LRP1B: variants seen among roughly 807,000 people sequenced by gnomAD.
LRP1B encodes LDL receptor related protein 1B.
Under a neutral mutation model 556.6 loss-of-function variants are expected in LRP1B, and 217 were observed. That is an observed-to-expected ratio of 0.39 (90% confidence interval 0.35 to 0.44). LRP1B has a LOEUF of 0.44. Among genes scored for constraint, LRP1B ranks in the 20% least tolerant of loss-of-function variants. The pLI, the probability that LRP1B is intolerant of heterozygous loss-of-function variation, is 1.00. For missense variants in LRP1B, 5,053 were observed against 5,620.8 expected, an observed-to-expected ratio of 0.90 and a Z score of 3.23; for synonymous variants, 2,047 against 1,865.8, an observed-to-expected ratio of 1.10 and a Z score of -2.50.
intron 2 of LRP1B, among the ~76,000 whole-genome samples, chr2:141,699,648 C>G (rs1007858108): frequency 6.6e-6 from 1 of 151,394 alleles, no homozygotes; most frequent in South Asian, 2.1e-4. Flanking sequence ...GGTGGCATAG[C>G]CTTCCAGCCA....
intron 1 of LRP1B, among the ~76,000 whole-genome samples, chr2:141,841,219 T>A (rs189831396): frequency 2.2e-4 from 34 of 152,258 alleles, no homozygotes; most frequent in African/African-American, 7.5e-4. Context: ...GCTTATTGAG[T>A]GTTACTCTTG....
intron 23 of LRP1B, among the ~76,000 whole-genome samples, chr2:140,890,867 A>T (rs866232811): frequency 1.3e-5 from 2 of 152,090 alleles, no homozygotes; most frequent in Non-Finnish European, 2.9e-5. Flanking sequence ...TTGGAGATAA[A>T]ATAAATGAAG....
intron 1 of LRP1B, among the ~76,000 whole-genome samples, chr2:142,070,049 A>G (rs957332446): frequency 6.6e-6 from 1 of 151,792 alleles, no homozygotes; most frequent in Admixed American, 6.6e-5. Context: ...GCCTTGTACG[A>G]GGCTCATATC....
In LRP1B at chr2:141,201,965, CAA is replaced by C. The variant is rs1682041583; in HGVS notation, c.851-13384_851-13383del. On this transcript the variant is annotated intron_variant, in intron 6 of 90. Coordinates refer to ENST00000389484, the MANE Select transcript of LRP1B (RefSeq NM_018557.3). ...GACAAACATTTTATATTTATTTTTTCAAGTTTTAAGTTCAGTGGTACATATGG... is the reference window on the plus strand; with the variant it reads ...GACAAACATTTTATATTTATTTTTTCGTTTTAAGTTCAGTGGTACATATGG... 2.0e-5 allele frequency among the ~76,000 whole-genome samples: 3 copies of C among 152,222 alleles called. No homozygotes were observed. The East Asian group carries it at 5.8e-4, about 29-fold the overall frequency.
At chr2:140,398,450 A>C (rs1476405016) in intron 66 of LRP1B, among the ~76,000 whole-genome samples, 1 of 152,136 alleles carries the variant, frequency 6.6e-6, no homozygotes, top group Non-Finnish European at 1.5e-5. Context: ...ACAAACACAT[A>C]CACTGTGGAG....
Position 140,297,837 on chromosome 2 carries a change from G to A in LRP1B, c.12938C>T (p.Pro4313Leu), listed in dbSNP as rs759893587. 70 of 1,613,510 alleles carry A rather than the reference G, an allele frequency of 4.3e-5. No individual in the cohort carries two copies. The highest frequency in any genetic ancestry group is 1.7e-4 in the Middle Eastern group (1 of 5,956). The change falls in exon 84 of 91, where the codon CCG (proline) becomes CTG (leucine). Residue 4313 changes from proline to leucine, a missense_variant. Pro to Leu is a moderately conservative substitution (Grantham distance 98). Coordinates refer to ENST00000389484, the MANE Select transcript of LRP1B (RefSeq NM_018557.3). ...AGNQPYCHCQ[P>L]EYTGDRCQYY... is the part of the protein sequence containing the mutation. Reference sequence around the variant, plus strand: ...CTGACATCTGTCTCCGGTGTATTCCGGCTGGCAGTGGCAGTAAGGCTGGTT... The same window carrying A: ...CTGACATCTGTCTCCGGTGTATTCCAGCTGGCAGTGGCAGTAAGGCTGGTT...
chr2:141,297,677 C>T (rs953242612), intron 3 of LRP1B, among the ~76,000 whole-genome samples: 2 of 152,140 alleles, frequency 1.3e-5, no homozygotes, highest in African/African-American at 2.4e-5. Flanking sequence ...TTTACTTCAT[C>T]TATCTTAATA....
intron 32 of LRP1B, among the ~76,000 whole-genome samples, chr2:140,811,536 T>C (rs973750993): frequency 2.6e-5 from 4 of 152,204 alleles, no homozygotes; most frequent in African/African-American, 9.6e-5. Flanking sequence ...TCTAATTTAC[T>C]GAGTTCCTTA....
At chr2:140,903,270 A>G (rs1461215637) in intron 22 of LRP1B, 105 bp from the exon 23 acceptor site, 1 of 1,297,998 alleles carries the variant, frequency 7.7e-7, no homozygotes, top group African/African-American at 1.5e-5. Flanking sequence ...CCAGGATACT[A>G]CAAATGAATA....
At chr2:142,111,032 C>T in intron 1 of LRP1B, among the ~76,000 whole-genome samples, 1 of 152,110 alleles carries the variant, frequency 6.6e-6, no homozygotes, top group East Asian at 1.9e-4. Context: ...TATGTAGTTC[C>T]TTTGTGCAGT....
At chr2:142,020,548 G>C (rs1210721376) in intron 1 of LRP1B, among the ~76,000 whole-genome samples, 1 of 152,148 alleles carries the variant, frequency 6.6e-6, no homozygotes, top group African/African-American at 2.4e-5. Flanking sequence ...ATTTCTGTCT[G>C]ATTCTACCAT....
intron 7 of LRP1B, among the ~76,000 whole-genome samples, chr2:141,138,658 TTTA>T (rs1701550324): frequency 6.6e-6 from 1 of 151,828 alleles, no homozygotes; most frequent in South Asian, 2.1e-4. Context: ...GAAATATGAA[TTTA>T]TTGTTTGAAA....
Position 141,267,528 on chromosome 2 carries a change from A to G in LRP1B, c.344-12887T>C, listed in dbSNP as rs76250847. 5.5e-3 allele frequency among the ~76,000 whole-genome samples: 831 copies of G among 152,270 alleles called. 8 individuals carry two copies. The highest frequency in any genetic ancestry group is 0.018 in the African/African-American group (758 of 41,576). ...GTGTTTGGGATATTACATACCTTGT[A>G]GTAGAGTTTTGCATTTGATTTTGCA... is the stretch of plus-strand genomic sequence containing the variant. On this transcript the variant is annotated intron_variant, in intron 3 of 90. Transcript: ENST00000389484.
intron 6 of LRP1B, among the ~76,000 whole-genome samples, chr2:141,223,151 C>T (rs1281672582): frequency 6.6e-6 from 1 of 152,070 alleles, no homozygotes; most frequent in Non-Finnish European, 1.5e-5. Context: ...TTGTCTCATC[C>T]CAAAAGCTTC....
At chr2:141,021,658 T>A (rs1698067117) in intron 11 of LRP1B, among the ~76,000 whole-genome samples, 1 of 152,038 alleles carries the variant, frequency 6.6e-6, no homozygotes, top group South Asian at 2.1e-4. Context: ...CAAAAAGTCT[T>A]CATGCTGGAT....
In LRP1B at chr2:140,429,875, T is replaced by C. The variant is rs146819571; in HGVS notation, c.10414+12629A>G. Among the ~76,000 whole-genome samples the C allele has an allele frequency of 7.7e-3, 1,164 of 151,666 alleles. 14 individuals carry two copies. The highest frequency in any genetic ancestry group is 0.026 in the African/African-American group (1,086 of 41,410). ...TTTACAGTTCTCACAACTTCCAAAATCTATTTTCTTCCTCACACCTGACAC... is the reference window on the plus strand; with the variant it reads ...TTTACAGTTCTCACAACTTCCAAAACCTATTTTCTTCCTCACACCTGACAC... On this transcript the variant is annotated intron_variant, in intron 66 of 90. Coordinates refer to ENST00000389484, the MANE Select transcript of LRP1B (RefSeq NM_018557.3).
chr2:140,387,542 G>A (rs1044227316), intron 66 of LRP1B, among the ~76,000 whole-genome samples: 1 of 151,570 alleles, frequency 6.6e-6, no homozygotes, highest in Non-Finnish European at 1.5e-5. Flanking sequence ...TTTTATTAGA[G>A]AAATTCTTAT....
chr2:142,111,149 T>C (rs1221582462), intron 1 of LRP1B, among the ~76,000 whole-genome samples: 2 of 152,122 alleles, frequency 1.3e-5, no homozygotes, highest in African/African-American at 2.4e-5. Context: ...GAAAAGTATG[T>C]ATGTAATAAT....
At chr2:141,015,006 G>T (rs1697861556) in intron 13 of LRP1B, among the ~76,000 whole-genome samples, 1 of 151,962 alleles carries the variant, frequency 6.6e-6, no homozygotes, top group Non-Finnish European at 1.5e-5. Flanking sequence ...GAAGCATTTT[G>T]GTCATTTCTA....
Sources: gnomAD v4.1 joint callset for allele counts (sites outside exome capture counted in the v4.1 genomes callset) on GRCh38, gnomAD v4.1.1 for gene constraint, MANE v1.5 for transcripts, NCBI Gene and HGNC (gene_info 2026-07-23, HGNC 2026-07-21) for gene names.